The following PDZRN4 variants were observed in gnomAD, a reference collection of about 807,000 sequenced individuals.
The protein encoded by PDZRN4 is PDZ domain-containing RING finger protein 4.
Under a neutral mutation model 99.0 loss-of-function variants are expected in PDZRN4, and 70 were observed. That is an observed-to-expected ratio of 0.71 (90% CI 0.58 to 0.86). The LOEUF (loss-of-function observed/expected upper bound fraction) is 0.86. PDZRN4 is among the 40% of genes least tolerant of loss of function. PDZRN4 has a pLI of 0.00. For synonymous variants in PDZRN4, 551 were observed against 501.6 expected (o/e 1.10, Z -1.32); for missense variants, 1,474 against 1,331.2 (o/e 1.11, Z -1.67).
At chr12:41,522,758 A>G (rs1938515070) in intron 5 of PDZRN4, among the ~76,000 whole-genome samples, 1 of 152,164 alleles carries the variant, frequency 6.6e-6, no homozygotes. Context: ...GTAATAAAGT[A>G]TAGACGTTCA....
At chr12:41,209,551 G>C (rs1950874440) in intron 3 of PDZRN4, among the ~76,000 whole-genome samples, 1 of 138,628 alleles carries the variant, frequency 7.2e-6, no homozygotes, top group South Asian at 2.3e-4. Context: ...CTGTGTCCAT[G>C]TGTTCTCATT....
chr12:41,509,825 A>G lies in PDZRN4; in HGVS notation c.1115A>G (p.His372Arg), dbSNP rs1938276293. The change falls in exon 5 of 10, where the codon CAT becomes CGT. Residue 372 changes from histidine to arginine, a missense_variant. By Grantham distance (29) the His-to-Arg change is conservative. Transcript: ENST00000402685. ...ATTCCCCATAGCTGCCATTCTCTACATCCAATGGAGCATGAATTTTATGAG... is the reference window on the plus strand; with the variant it reads ...ATTCCCCATAGCTGCCATTCTCTACGTCCAATGGAGCATGAATTTTATGAG... ...FLLSDSCHSL[H>R]PMEHEFYEDN... is the part of the protein sequence containing the mutation. 1 of 1,575,500 alleles carries G rather than the reference A, an allele frequency of 6.3e-7. No homozygotes were observed. Among genetic ancestry groups the G allele is most frequent in the Non-Finnish European group, 8.7e-7 (1 of 1,147,590 alleles).
chr12:41,248,861 C>A (rs1438774967), intron 3 of PDZRN4, among the ~76,000 whole-genome samples: 3 of 151,852 alleles, frequency 2.0e-5, no homozygotes, highest in Admixed American at 6.6e-5. Flanking sequence ...ATGTAATTAT[C>A]CCCAGAGTAA....
chr12:41,406,201 C>G (rs1952348184), intron 3 of PDZRN4, among the ~76,000 whole-genome samples: 1 of 151,890 alleles, frequency 6.6e-6, no homozygotes, highest in South Asian at 2.1e-4. Flanking sequence ...AATACAAGTA[C>G]TAGATAAGTC....
At position 41,506,683 on chromosome 12, in the gene PDZRN4, A is replaced by G; in HGVS notation, c.1071A>G (p.Pro357=). 6.2e-7 allele frequency: 1 copy of G among 1,613,574 alleles called. No homozygotes were observed. Among genetic ancestry groups the G allele is most frequent in the Non-Finnish European group, 8.5e-7 (1 of 1,179,664 alleles). ...AKLRPPTPPV[P]DICPFLLSDS... is the part of the protein sequence containing the mutation. The stretch of plus-strand genomic sequence containing the variant: ...TTCGTCCACCTACCCCTCCAGTGCC[A>G]GACATCTGTCCATTCCTGCTCTCAG... The change falls in exon 4 of 10, where the codon CCA becomes CCG. Residue 357 remains proline (P), a synonymous_variant. Coordinates refer to ENST00000402685, the MANE Select transcript of PDZRN4 (RefSeq NM_001164595.2).
chr12:41,242,891 C>T (rs542560027), intron 3 of PDZRN4, among the ~76,000 whole-genome samples: 3 of 152,290 alleles, frequency 2.0e-5, no homozygotes, highest in African/African-American at 7.2e-5. Context: ...TCAGCATAGC[C>T]ACTGCCCAGT....
intron 3 of PDZRN4, among the ~76,000 whole-genome samples, chr12:41,336,527 C>T (rs1951775858): frequency 6.6e-6 from 1 of 152,096 alleles, no homozygotes; most frequent in Non-Finnish European, 1.5e-5. Flanking sequence ...TTTCTCTGTA[C>T]ATGCAATGTC....
chr12:41,468,734 A>G (rs17578886), intron 3 of PDZRN4, among the ~76,000 whole-genome samples: 16,711 of 152,274 alleles, frequency 0.11, 1,030 homozygotes, highest in South Asian at 0.22. Context: ...GCATACATTC[A>G]TAATTTACAA....
chr12:41,270,928 A>G (rs1164795330), intron 3 of PDZRN4, among the ~76,000 whole-genome samples: 1 of 152,132 alleles, frequency 6.6e-6, no homozygotes, highest in East Asian at 1.9e-4. Flanking sequence ...TAAAAATAAT[A>G]CAGTATAGTA....
intron 5 of PDZRN4, among the ~76,000 whole-genome samples, chr12:41,531,233 G>A (rs1938656044): frequency 6.6e-6 from 1 of 152,154 alleles, no homozygotes; most frequent in Non-Finnish European, 1.5e-5. Context: ...CTCAGGAGAT[G>A]AGGGAGCCAG....
At chr12:41,229,428 T>C (rs1257407248) in intron 3 of PDZRN4, among the ~76,000 whole-genome samples, 2 of 152,082 alleles carry the variant, frequency 1.3e-5, no homozygotes, top group African/African-American at 4.8e-5. Flanking sequence ...TTAAATCTGC[T>C]TTCTCATTAA....
At chr12:41,235,251 A>G (rs1435314003) in intron 3 of PDZRN4, among the ~76,000 whole-genome samples, 1 of 152,120 alleles carries the variant, frequency 6.6e-6, no homozygotes, top group Admixed American at 6.6e-5. Flanking sequence ...CTCAAGCCCT[A>G]GGACCTTCTC....
At chr12:41,328,595 C>T (rs1299837489) in intron 3 of PDZRN4, among the ~76,000 whole-genome samples, 2 of 152,038 alleles carry the variant, frequency 1.3e-5, no homozygotes, top group African/African-American at 2.4e-5. Context: ...TTTTAAAAAA[C>T]ATTGGTTGTT....
chr12:41,244,764 A>G (rs1268632111), intron 3 of PDZRN4, among the ~76,000 whole-genome samples: 1 of 145,744 alleles, frequency 6.9e-6, no homozygotes, highest in Non-Finnish European at 1.5e-5. Flanking sequence ...GGCTCACTGC[A>G]AGCTCTGCTT....
Position 41,245,895 on chromosome 12 carries a change from G to A in PDZRN4, c.843+51707G>A, listed in dbSNP as rs184404943. 1.6e-3 allele frequency among the ~76,000 whole-genome samples: 245 copies of A among 152,294 alleles called. 3 individuals are homozygous for A. Among genetic ancestry groups the A allele is most frequent in the African/African-American group, 5.0e-3 (209 of 41,566 alleles). The stretch of plus-strand genomic sequence containing the variant: ...AGAACAATGCCTGGGCTACAAATTA[G>A]ATGTGGCTCAGTCCAGTTGGGTGAT... On this transcript the variant is annotated intron_variant, in intron 3 of 9. Transcript: ENST00000402685.
intron 3 of PDZRN4, among the ~76,000 whole-genome samples, chr12:41,266,885 T>C (rs147825434): frequency 9.1e-4 from 139 of 152,344 alleles, no homozygotes; most frequent in African/African-American, 3.2e-3. Flanking sequence ...CTTAAGATAA[T>C]ACCATAAAGC....
intron 3 of PDZRN4, among the ~76,000 whole-genome samples, chr12:41,428,683 C>A (rs538732606): frequency 6.6e-6 from 1 of 152,164 alleles, no homozygotes; most frequent in African/African-American, 2.4e-5. Flanking sequence ...AGAGGAGTTG[C>A]GACCAGGGAA....
chr12:41,307,955 C>A (rs909391459), intron 3 of PDZRN4, among the ~76,000 whole-genome samples: 25 of 152,082 alleles, frequency 1.6e-4, no homozygotes, highest in African/African-American at 5.5e-4. Flanking sequence ...GAAGAAAAAG[C>A]AAAAACTAAA....
At chr12:41,208,708 A>G (rs1419559965) in intron 3 of PDZRN4, among the ~76,000 whole-genome samples, 1 of 151,974 alleles carries the variant, frequency 6.6e-6, no homozygotes, top group African/African-American at 2.4e-5. Flanking sequence ...GCTATGTAGT[A>G]CTTTCTCTTT....
Sources: allele counts gnomAD v4.1 joint callset (sites outside exome capture counted in the v4.1 genomes callset), GRCh38; gene constraint gnomAD v4.1.1; transcripts MANE v1.5; gene names NCBI Gene and HGNC (gene_info 2026-07-23, HGNC 2026-07-21).